Variants in SIL1 observed in about 807,000 individuals in gnomAD.
SIL1 encodes the protein nucleotide exchange factor SIL1.
Under a neutral mutation model 49.1 loss-of-function variants are expected in SIL1, and 40 were observed. That is an observed-to-expected ratio of 0.81 (90% CI 0.63 to 1.06). SIL1 has a LOEUF of 1.06. Among genes scored for constraint, SIL1 ranks in the 50% least tolerant of loss-of-function variants. The probability of loss-of-function intolerance (pLI) is 0.00; values close to 1 mark genes in which losing one functional copy is unlikely to be tolerated. For missense variants in SIL1, 500 were observed against 572.6 expected (o/e 0.87, Z 1.29); for synonymous variants, 253 against 250.8 (o/e 1.01, Z -0.08).
In SIL1 at chr5:139,035,849, A is replaced by G. The variant is rs955199931; in HGVS notation, c.453+6771T>C. On this transcript the variant is annotated intron_variant, in intron 5 of 9. Transcript: ENST00000394817. ...GTATTTTTAGTAGAGACGGGGTTTC[A>G]CCATGTTAGCCAGAATGGTCTCTAT... 4.9e-5 allele frequency: 8 copies of G among 162,804 alleles called. No homozygotes were observed. The South Asian group carries it at 1.3e-3, about 27-fold the overall frequency. The allele number at this position is 162,804 out of a possible 1,614,324, so 10.1% of individuals were successfully genotyped here.
chr5:139,055,136 T>C (rs899940925), intron 3 of SIL1, among the ~76,000 whole-genome samples: 1 of 152,148 alleles, frequency 6.6e-6, no homozygotes, highest in Non-Finnish European at 1.5e-5. Flanking sequence ...CTGCAAAGCC[T>C]ACAGTGTCTG....
intron 3 of SIL1, among the ~76,000 whole-genome samples, chr5:139,119,468 T>C (rs573553402): frequency 6.6e-6 from 1 of 152,204 alleles, no homozygotes; most frequent in East Asian, 1.9e-4. Context: ...TGGTTAAAAG[T>C]GGTACAAGAA....
intron 7 of SIL1, among the ~76,000 whole-genome samples, chr5:139,000,642 A>G (rs1195573784): frequency 6.6e-6 from 1 of 152,146 alleles, no homozygotes; most frequent in Non-Finnish European, 1.5e-5. Context: ...CTCTCAGAAG[A>G]TAATATAGGC....
In SIL1 at chr5:139,042,648, GC is replaced by G; in HGVS notation, c.424del (p.Ala142GlnfsTer16). ...GTCTTCCTTTGAACTCTCCATCTCTGCCCCCTCCTTGAATTTTGCCAGTGCA... is the reference window on the plus strand; with the variant it reads ...GTCTTCCTTTGAACTCTCCATCTCTGCCCCTCCTTGAATTTTGCCAGTGCA... ...KSALAKFKEG[A>X]EMESSKEDKA... is the part of the protein sequence containing the mutation. On this transcript the variant is annotated frameshift_variant, in exon 5 of 10. Coordinates refer to ENST00000394817, the MANE Select transcript of SIL1 (RefSeq NM_022464.5). LOFTEE classifies it high-confidence loss of function. 1 of 1,614,040 alleles carries G rather than the reference GC, an allele frequency of 6.2e-7. No individual in the cohort carries two copies. The highest frequency in any genetic ancestry group is 8.5e-7 in the Non-Finnish European group (1 of 1,180,010).
At chr5:139,077,617 T>C (rs1769980587) in intron 3 of SIL1, among the ~76,000 whole-genome samples, 1 of 152,174 alleles carries the variant, frequency 6.6e-6, no homozygotes, top group Non-Finnish European at 1.5e-5. Flanking sequence ...GATCTCACCA[T>C]ACAGCAAGAA....
intron 1 of SIL1, among the ~76,000 whole-genome samples, chr5:139,188,245 A>G (rs560852342): frequency 2.9e-4 from 44 of 152,190 alleles, no homozygotes; most frequent in Non-Finnish European, 5.6e-4. Context: ...AAAGCAAGAA[A>G]TAAGAGGGCG....
At chr5:139,196,878 T>C (rs1276580910) in intron 1 of SIL1, among the ~76,000 whole-genome samples, 3 of 152,018 alleles carry the variant, frequency 2.0e-5, no homozygotes, top group Non-Finnish European at 2.9e-5. Context: ...TCCCCAAATC[T>C]GGCTATACTT....
At chr5:139,170,439 C>T (rs1325227401) in intron 1 of SIL1, among the ~76,000 whole-genome samples, 1 of 151,192 alleles carries the variant, frequency 6.6e-6, no homozygotes, top group East Asian at 2.0e-4. Flanking sequence ...TCTTCCCAGC[C>T]GCCATCCCAT....
intron 3 of SIL1, among the ~76,000 whole-genome samples, chr5:139,097,606 C>T (rs1770497671): frequency 6.6e-6 from 1 of 151,636 alleles, no homozygotes; most frequent in African/African-American, 2.4e-5. Flanking sequence ...GCCTCCCAAG[C>T]AGCTGGGACT....
At chr5:139,046,079 G>A (rs902470812) in intron 4 of SIL1, among the ~76,000 whole-genome samples, 3 of 152,092 alleles carry the variant, frequency 2.0e-5, no homozygotes, top group African/African-American at 7.2e-5. Flanking sequence ...CTGCAATTCC[G>A]GCACTTTGGG....
chr5:139,120,978 G>C, intron 3 of SIL1, 57 bp downstream of exon 3: 1 of 1,608,554 alleles, frequency 6.2e-7, no homozygotes, highest in South Asian at 1.1e-5. Context: ...GGGGACAAAG[G>C]ACATATGCAG....
At chr5:139,065,721 C>G (rs1769690245) in intron 3 of SIL1, among the ~76,000 whole-genome samples, 1 of 152,222 alleles carries the variant, frequency 6.6e-6, no homozygotes, top group African/African-American at 2.4e-5. Context: ...CACCCCCATA[C>G]ACCCAATCCT....
intron 5 of SIL1, among the ~76,000 whole-genome samples, chr5:139,041,145 G>T (rs1769039525): frequency 6.6e-6 from 1 of 152,194 alleles, no homozygotes; most frequent in Non-Finnish European, 1.5e-5. Context: ...CAGAAGATGT[G>T]CTTCTCCTCA....
chr5:139,074,794 A>C (rs935193005), intron 3 of SIL1, among the ~76,000 whole-genome samples: 3 of 151,420 alleles, frequency 2.0e-5, no homozygotes, highest in African/African-American at 7.2e-5. Context: ...TCTTGCCTTC[A>C]GAACTAAGCA....
At chr5:139,049,520 G>A (rs946264485) in intron 4 of SIL1, among the ~76,000 whole-genome samples, 2 of 152,120 alleles carry the variant, frequency 1.3e-5, no homozygotes, top group African/African-American at 4.8e-5. Flanking sequence ...TGGGCACAGT[G>A]GTCCACATCT....
At chr5:138,966,581 G>A (rs1304781455) in intron 7 of SIL1, among the ~76,000 whole-genome samples, 1 of 152,110 alleles carries the variant, frequency 6.6e-6, no homozygotes, top group Non-Finnish European at 1.5e-5. Flanking sequence ...GTGGGCACTA[G>A]TACATCTTCC....
In SIL1 at chr5:138,951,082, C is replaced by T. The variant is rs564397834; in HGVS notation, c.1029+89G>A. The stretch of plus-strand genomic sequence containing the variant: ...AAGCACACACAAAGCAAACAAGTGA[C>T]GTCCGCAGTCTCTTCCATCTGTCTG... On this transcript the variant is annotated intron_variant, in intron 9 of 9. Coordinates refer to ENST00000394817, the MANE Select transcript of SIL1 (RefSeq NM_022464.5). 3.9e-5 allele frequency: 55 copies of T among 1,423,202 alleles called. No individual in the cohort carries two copies. The East Asian group carries it at 4.1e-4, about 11-fold the overall frequency. The allele number at this position is 1,423,202 out of a possible 1,614,324, so 88.2% of individuals were successfully genotyped here. A position where few individuals can be genotyped will look rare whatever the true frequency, so the allele number is the denominator to read the frequency against.
At chr5:138,956,921 T>C (rs1766915902) in intron 7 of SIL1, among the ~76,000 whole-genome samples, 1 of 152,132 alleles carries the variant, frequency 6.6e-6, no homozygotes, top group African/African-American at 2.4e-5. Context: ...TTGGGACCTG[T>C]ATGGCCTCAG....
At chr5:138,973,758 G>C (rs1255341981) in intron 7 of SIL1, among the ~76,000 whole-genome samples, 1 of 151,976 alleles carries the variant, frequency 6.6e-6, no homozygotes, top group East Asian at 1.9e-4. Flanking sequence ...CTAATTTGTT[G>C]TTGTGATTGT....
Sources: gnomAD v4.1 joint callset for allele counts (sites outside exome capture counted in the v4.1 genomes callset) on GRCh38, gnomAD v4.1.1 for gene constraint, MANE v1.5 for transcripts, NCBI Gene and HGNC (gene_info 2026-07-23, HGNC 2026-07-21) for gene names.